Variants in CLVS1 observed in about 807,000 individuals in gnomAD.
CLVS1 encodes the protein clavesin 1, also known as clavesin-1.
Under a neutral mutation model 33.1 loss-of-function variants are expected in CLVS1, and 10 were observed. That is an observed-to-expected ratio of 0.30 (90% CI 0.19 to 0.51). The LOEUF (loss-of-function observed/expected upper bound fraction) is 0.51, where lower values mean the gene tolerates loss of function less well. CLVS1 is among the 20% of genes least tolerant of loss of function. The pLI, the probability that CLVS1 is intolerant of heterozygous loss-of-function variation, is 0.97. For synonymous variants in CLVS1, 163 were observed against 166.1 expected (o/e 0.98, Z 0.14); for missense variants, 343 against 433.4 (o/e 0.79, Z 1.85).
chr8:61,333,832 T>G (rs1459351289), intron 2 of CLVS1, among the ~76,000 whole-genome samples: 1 of 152,184 alleles, frequency 6.6e-6, no homozygotes, highest in Non-Finnish European at 1.5e-5. Context: ...TTGTTATTTT[T>G]TTTTGATCCT....
intron 5 of CLVS1, among the ~76,000 whole-genome samples, chr8:61,493,511 A>G (rs1442076482): frequency 6.6e-6 from 1 of 152,114 alleles, no homozygotes; most frequent in Non-Finnish European, 1.5e-5. Flanking sequence ...TCCTATCTTC[A>G]TTTTTACACA....
chr8:61,062,377 G>T (rs980640246), intron 1 of CLVS1, among the ~76,000 whole-genome samples: 6 of 152,208 alleles, frequency 3.9e-5, no homozygotes, highest in African/African-American at 1.4e-4. Context: ...GTTACTTACT[G>T]ATTTAATCTC....
intron 2 of CLVS1, among the ~76,000 whole-genome samples, chr8:61,339,012 CTGTGTGTG>C (rs10608174): frequency 6.7e-6 from 1 of 149,468 alleles, no homozygotes; most frequent in Non-Finnish European, 1.5e-5. Flanking sequence ...GAGTGTGTGC[CTGTGTGTG>C]TGTGTGTGTG....
intron 1 of CLVS1, among the ~76,000 whole-genome samples, chr8:61,128,873 G>A (rs1183875682): frequency 6.6e-6 from 1 of 152,244 alleles, no homozygotes. Context: ...TGGGAATAGA[G>A]ATAAACTTAC....
In CLVS1 at chr8:61,376,761, G is replaced by T. The variant is rs1813660911; in HGVS notation, c.612G>T (p.Leu204=). The T allele has an allele frequency of 2.5e-6, 4 of 1,613,776 alleles. No homozygotes were observed. The highest frequency in any genetic ancestry group is 2.7e-5 in the African/African-American group (2 of 74,870). ...AACTGACACCTTCAATCCTTAAACT[G>T]GCCATTGAAGGGTTGCAGGTATGTT... ...ASKLTPSILK[L]AIEGLQDSFP... is the part of the protein sequence containing the mutation. Residue 204 remains leucine (L), a synonymous_variant, in exon 3 of 6, where the codon CTG becomes CTT. Transcript: ENST00000325897.
At chr8:61,418,467 C>A (rs941777937) in intron 3 of CLVS1, among the ~76,000 whole-genome samples, 1 of 152,170 alleles carries the variant, frequency 6.6e-6, no homozygotes, top group African/African-American at 2.4e-5. Flanking sequence ...TCCCTTACCC[C>A]CTCCATTACC....
At chr8:61,043,875 A>G in the CLVS1 span, among the ~76,000 whole-genome samples, 2 of 152,214 alleles carry the variant, frequency 1.3e-5, no homozygotes, top group African/African-American at 2.4e-5. Flanking sequence ...GGTCTGGGGC[A>G]TGTCAGCAGG....
chr8:61,461,060 G>A (rs781532423), intron 5 of CLVS1, among the ~76,000 whole-genome samples: 37 of 152,312 alleles, frequency 2.4e-4, no homozygotes, highest in Middle Eastern at 3.4e-3. Context: ...TGAACCAGTT[G>A]AGGTGTCTGT....
At chr8:61,014,462 T>A in the CLVS1 span, among the ~76,000 whole-genome samples, 1 of 152,212 alleles carries the variant, frequency 6.6e-6, no homozygotes, top group African/African-American at 2.4e-5. Flanking sequence ...CTTTGGGACT[T>A]CTAGGAATTA....
the CLVS1 span, among the ~76,000 whole-genome samples, chr8:61,001,241 C>G: frequency 6.6e-6 from 1 of 152,204 alleles, no homozygotes; most frequent in Admixed American, 6.5e-5. Flanking sequence ...CCTGCTTCAG[C>G]CTTCCGAGTA....
At chr8:61,161,607 T>C (rs1402494398) in intron 2 of CLVS1, among the ~76,000 whole-genome samples, 2 of 152,174 alleles carry the variant, frequency 1.3e-5, no homozygotes, top group South Asian at 4.1e-4. Context: ...GTGGAATTCA[T>C]AGAAGCAGAG....
chr8:61,144,174 A>G (rs1806370504), intron 2 of CLVS1, among the ~76,000 whole-genome samples: 1 of 151,940 alleles, frequency 6.6e-6, no homozygotes, highest in Non-Finnish European at 1.5e-5. Flanking sequence ...TACCTTAGGT[A>G]TTTCTCCTAA....
At chr8:61,427,345 G>A (rs943860501) in intron 3 of CLVS1, among the ~76,000 whole-genome samples, 21 of 151,964 alleles carry the variant, frequency 1.4e-4, no homozygotes, top group African/African-American at 4.8e-4. Context: ...AGTTAGCCTT[G>A]CTAGCTTCCT....
chr8:61,292,451 T>C (rs1206898920), intron 1 of CLVS1: 1 of 455,836 alleles, frequency 2.2e-6, no homozygotes, highest in Non-Finnish European at 4.4e-6. Context: ...ATGGCCGTTT[T>C]TGGGTGAGTC....
chr8:61,156,685 A>G (rs1429247556), intron 2 of CLVS1, among the ~76,000 whole-genome samples: 2 of 152,218 alleles, frequency 1.3e-5, no homozygotes, highest in African/African-American at 4.8e-5. Flanking sequence ...TTTTTAAACA[A>G]ACCTTCAAAA....
intron 5 of CLVS1, among the ~76,000 whole-genome samples, chr8:61,460,759 A>G (rs1471599861): frequency 6.6e-6 from 1 of 152,198 alleles, no homozygotes; most frequent in Non-Finnish European, 1.5e-5. Context: ...AGCCCAAAGA[A>G]CTGTTGCCAA....
intron 3 of CLVS1, 29 bp from the exon 4 acceptor site, chr8:61,454,112 C>CGGTGTGCAT (rs1817064802): frequency 6.8e-7 from 1 of 1,463,060 alleles, no homozygotes; most frequent in East Asian, 2.3e-5. Flanking sequence ...GCTTACTAAT[C>CGGTGTGCAT]GGTGTGCATT....
chr8:61,204,913 A>G (rs1014167438), intron 2 of CLVS1, among the ~76,000 whole-genome samples: 10 of 152,218 alleles, frequency 6.6e-5, no homozygotes, highest in Admixed American at 2.6e-4. Flanking sequence ...TTGAGGATGT[A>G]TGTGTTTCAA....
intron 2 of CLVS1, among the ~76,000 whole-genome samples, chr8:61,343,908 C>T (rs180758753): frequency 1.6e-4 from 25 of 152,230 alleles, no homozygotes; most frequent in Non-Finnish European, 2.9e-4. Flanking sequence ...GCTAGGCTAA[C>T]GGTATGAAGA....
Sources: allele counts gnomAD v4.1 joint callset (sites outside exome capture counted in the v4.1 genomes callset), GRCh38; gene constraint gnomAD v4.1.1; transcripts MANE v1.5; gene names NCBI Gene and HGNC (gene_info 2026-07-23, HGNC 2026-07-21).